PDSS1: variants seen among roughly 807,000 people sequenced by gnomAD.
The protein encoded by PDSS1 is decaprenyl diphosphate synthase subunit 1, also known as all trans-polyprenyl-diphosphate synthase PDSS1.
A neutral mutation model predicts 57.5 loss-of-function variants in PDSS1; 43 were observed. That is an observed-to-expected ratio of 0.75 (90% CI 0.59 to 0.96). The LOEUF is 0.96. PDSS1 is among the 50% of genes least tolerant of loss of function. The pLI is 0.00. For missense variants in PDSS1, 438 were observed against 527.8 expected (o/e 0.83, Z 1.67); for synonymous variants, 175 against 191.3 (o/e 0.91, Z 0.70).
intron 8 of PDSS1, among the ~76,000 whole-genome samples, chr10:26,731,024 T>G (rs1336193152): frequency 6.6e-6 from 1 of 151,804 alleles, no homozygotes; most frequent in African/African-American, 2.4e-5. Flanking sequence ...CTGGCCAACA[T>G]GGTGAAACCC....
At chr10:26,744,485 G>C (rs183412159) in intron 11 of PDSS1, among the ~76,000 whole-genome samples, 1 of 152,160 alleles carries the variant, frequency 6.6e-6, no homozygotes, top group Admixed American at 6.5e-5. Flanking sequence ...CCGCCTCCCG[G>C]GTTCAAGTGA....
intron 1 of PDSS1, 118 bp from the exon 2 acceptor site, chr10:26,702,044 G>C: frequency 2.4e-6 from 1 of 423,894 alleles, no homozygotes; most frequent in Non-Finnish European, 4.7e-6. Flanking sequence ...GGACTTGCAT[G>C]AGGCCTGTAA....
chr10:26,725,748 T>C (rs774811671), intron 8 of PDSS1, among the ~76,000 whole-genome samples: 7 of 152,174 alleles, frequency 4.6e-5, no homozygotes, highest in African/African-American at 1.2e-4. Context: ...GTGAGGCTCA[T>C]TGATAATTTC....
chr10:26,746,540 CTTTG>C lies in PDSS1; in HGVS notation c.*72_*75del, dbSNP rs1263992133. The C allele has an allele frequency of 1.3e-6, 2 of 1,520,596 alleles. No homozygotes were observed. Among genetic ancestry groups the C allele is most frequent in the African/African-American group, 1.4e-5 (1 of 73,058 alleles). 94.2% of individuals were successfully genotyped at this position (1,520,596 alleles called of 1,614,324 possible). Reference sequence around the variant, plus strand: ...TGCCTAAAGAATTTTGTGGAATACACTTTGTTTGCTTCATGTGCAGATAACCAAA... The same window carrying C: ...TGCCTAAAGAATTTTGTGGAATACACTTTGCTTCATGTGCAGATAACCAAA... On this transcript the variant is annotated 3_prime_UTR_variant, in exon 12 of 12. Transcript: ENST00000376215.
rs1246806744 is a variant in PDSS1 at position 26,704,680 on chromosome 10, C to A, written c.166C>A (p.Pro56Thr). Residue 56 changes from proline to threonine, a missense_variant, in exon 3 of 12, where the codon CCC becomes ACC. Transcript: ENST00000376215. ...TCTTGACATTTTTATTTTATAGATA[C>A]CCTATATTAATCTTGTGAAGCATTT... is the stretch of plus-strand genomic sequence containing the variant. ...RRKGLDLSQI[P>T]YINLVKHLTS... The A allele has an allele frequency of 1.6e-6, 2 of 1,290,138 alleles. No homozygotes were observed. Among genetic ancestry groups the A allele is most frequent in the East Asian group, 2.3e-5 (1 of 43,324 alleles). 79.9% of individuals were successfully genotyped at this position (1,290,138 alleles called of 1,614,324 possible).
chr10:26,744,929 C>T (rs1836771157), intron 11 of PDSS1, among the ~76,000 whole-genome samples: 2 of 151,812 alleles, frequency 1.3e-5, no homozygotes, highest in Admixed American at 1.3e-4. Flanking sequence ...TTTGGGAGGC[C>T]AAGGTGGGTG....
chr10:26,729,310 C>A (rs1193398752), intron 8 of PDSS1, among the ~76,000 whole-genome samples: 1 of 152,108 alleles, frequency 6.6e-6, no homozygotes, highest in Non-Finnish European at 1.5e-5. Context: ...TACTGGGTGT[C>A]ATCGTTTCTA....
intron 5 of PDSS1, among the ~76,000 whole-genome samples, chr10:26,713,479 G>A (rs147907113): frequency 2.0e-5 from 3 of 152,130 alleles, no homozygotes; most frequent in Middle Eastern, 3.4e-3. Context: ...TAGATTACGG[G>A]GAGTTCTTAA....
intron 8 of PDSS1, among the ~76,000 whole-genome samples, chr10:26,732,358 C>T (rs74126830): frequency 0.043 from 6,564 of 152,254 alleles, 459 homozygotes; most frequent in African/African-American, 0.15. Flanking sequence ...AATGTCCCTT[C>T]GCCATGTGTC....
chr10:26,727,059 C>CAA (rs146269922), intron 8 of PDSS1, among the ~76,000 whole-genome samples: 5 of 66,108 alleles, frequency 7.6e-5, no homozygotes, highest in African/African-American at 2.5e-4. Context: ...GAGAGTCTCT[C>CAA]AAAAAAAAAA....
At chr10:26,707,163 C>T (rs927732337) in intron 4 of PDSS1, among the ~76,000 whole-genome samples, 1 of 152,116 alleles carries the variant, frequency 6.6e-6, no homozygotes, top group Non-Finnish European at 1.5e-5. Context: ...GTGTGTTTAC[C>T]GGAGTTTTGC....
chr10:26,718,940 G>C (rs1405695304), intron 5 of PDSS1, among the ~76,000 whole-genome samples: 1 of 152,024 alleles, frequency 6.6e-6, no homozygotes, highest in Non-Finnish European at 1.5e-5. Flanking sequence ...ATTTAGTGTC[G>C]ATAGTTAAAT....
intron 10 of PDSS1, among the ~76,000 whole-genome samples, chr10:26,738,601 CT>C (rs1463692384): frequency 6.6e-6 from 1 of 152,186 alleles, no homozygotes; most frequent in African/African-American, 2.4e-5. Context: ...GTCTGTAATC[CT>C]TTCCCTTTGG....
chr10:26,704,965 A>G (rs1047710742), intron 3 of PDSS1, among the ~76,000 whole-genome samples: 16 of 152,080 alleles, frequency 1.1e-4, no homozygotes, highest in African/African-American at 3.9e-4. Context: ...GTAAATTTCT[A>G]TTCTAAATTG....
At chr10:26,734,708 C>G (rs1191938594) in intron 8 of PDSS1, 1 of 456,080 alleles carries the variant, frequency 2.2e-6, no homozygotes, top group Non-Finnish European at 4.4e-6. Flanking sequence ...CAAGAAATAA[C>G]TGCATTCAGA....
At chr10:26,738,508 C>G (rs1032696893) in intron 10 of PDSS1, among the ~76,000 whole-genome samples, 8 of 152,222 alleles carry the variant, frequency 5.3e-5, no homozygotes, top group African/African-American at 1.9e-4. Context: ...CACCTGGGCA[C>G]TGACGATACT....
intron 4 of PDSS1, among the ~76,000 whole-genome samples, chr10:26,705,786 A>C (rs1835192680): frequency 6.6e-6 from 1 of 152,224 alleles, no homozygotes; most frequent in Non-Finnish European, 1.5e-5. Context: ...TGTACAATGC[A>C]GTTTGCAATC....
rs1441396674 is a variant in PDSS1, at chr10:26,746,626, A to G, written c.*153A>G. On this transcript the variant is annotated 3_prime_UTR_variant, in exon 12 of 12. Transcript: ENST00000376215. ...GGGCAATTTATTTTTTTTTATTGCA[A>G]AAGTTTTTTCAGAAAACTTTTTAAA... The G allele has an allele frequency of 9.9e-6, 8 of 806,340 alleles. No individual in the cohort carries two copies. Among genetic ancestry groups the G allele is most frequent in the Non-Finnish European group, 1.6e-5 (8 of 506,648 alleles). The allele number at this position is 806,340 out of a possible 1,614,324, so 49.9% of individuals were successfully genotyped here. A position where few individuals can be genotyped will look rare whatever the true frequency, so the allele number is the denominator to read the frequency against.
rs1266297065 is a variant in PDSS1, at chr10:26,746,728, G to T, written c.*255G>T. The T allele has an allele frequency of 2.1e-6, 1 of 484,066 alleles. No individual in the cohort carries two copies. Among genetic ancestry groups the T allele is most frequent in the African/African-American group, 1.9e-5 (1 of 51,706 alleles). The allele number at this position is 484,066 out of a possible 1,614,324, so 30.0% of individuals were successfully genotyped here. On this transcript the variant is annotated 3_prime_UTR_variant, in exon 12 of 12. Transcript: ENST00000376215. ...CAAGGTATCTTGATGGTTATATGTG[G>T]TATTGTTTACACTGTTAATATCCAC...
Sources: allele counts gnomAD v4.1 joint callset (sites outside exome capture counted in the v4.1 genomes callset), GRCh38; gene constraint gnomAD v4.1.1; transcripts MANE v1.5; gene names NCBI Gene and HGNC (gene_info 2026-07-23, HGNC 2026-07-21).